The following NHSL1 variants were observed in gnomAD, a reference collection of about 807,000 sequenced individuals.
NHSL1 encodes NHS like 1.
In NHSL1, 48 loss-of-function variants were observed where a neutral mutation model predicts 95.0. That is an observed-to-expected ratio of 0.51 (90% confidence interval 0.40 to 0.64). The LOEUF is 0.64. NHSL1 is among the 30% of genes least tolerant of loss of function. NHSL1 has a pLI of 0.00. For missense variants in NHSL1, 1,971 were observed against 2,077.7 expected (o/e 0.95, Z 1.00); for synonymous variants, 783 against 833.9 (o/e 0.94, Z 1.05).
At chr6:138,449,472 C>T (rs1777089636) in intron 3 of NHSL1, among the ~76,000 whole-genome samples, 1 of 151,972 alleles carries the variant, frequency 6.6e-6, no homozygotes, top group Non-Finnish European at 1.5e-5. Context: ...GTCAGGACAT[C>T]GAGACCATCC....
intron 2 of NHSL1, among the ~76,000 whole-genome samples, chr6:138,480,603 T>C (rs1223111764): frequency 6.6e-6 from 1 of 152,240 alleles, no homozygotes; most frequent in Non-Finnish European, 1.5e-5. Context: ...ATTTCTAGCA[T>C]GGTATTCTAC....
At chr6:138,600,054 G>A (rs1784352148) in intron 1 of NHSL1, among the ~76,000 whole-genome samples, 1 of 151,782 alleles carries the variant, frequency 6.6e-6, no homozygotes, top group African/African-American at 2.4e-5. Context: ...TGAGGCAGAA[G>A]AATTGCTTGA....
At position 138,430,901 on chromosome 6, in the gene NHSL1, A is replaced by T. The variant is rs1370688768; in HGVS notation, c.3444T>A (p.Gly1148=). The T allele has an allele frequency of 3.9e-6, 6 of 1,551,448 alleles. No individual in the cohort carries two copies. Among genetic ancestry groups the T allele is most frequent in the Non-Finnish European group, 4.4e-6 (5 of 1,146,846 alleles). Reference sequence around the variant, plus strand: ...CACGCTCAGCCGCACTGCCATGGTCACCCTGACTCGAGCTCTTGGCAGGCG... The same window carrying T: ...CACGCTCAGCCGCACTGCCATGGTCTCCCTGACTCGAGCTCTTGGCAGGCG... ...LPTPAKSSSQ[G]DHGSAAERGG... The change falls in exon 6 of 8, where the codon GGT becomes GGA. Residue 1148 remains glycine (G), a synonymous_variant. Coordinates refer to ENST00000343505, the MANE Select transcript of NHSL1 (RefSeq NM_001144060.2). The surrounding 1 kb of genome is among the most constrained non-coding windows in gnomAD (Gnocchi z 4.7).
intron 1 of NHSL1, among the ~76,000 whole-genome samples, chr6:138,660,611 A>C (rs1193677757): frequency 6.6e-6 from 1 of 151,644 alleles, no homozygotes; most frequent in Non-Finnish European, 1.5e-5. Context: ...ACTGCACTCC[A>C]ACCTGGGCAA....
At chr6:138,429,903 C>T in intron 6 of NHSL1, 60 bp from the exon 7 acceptor site, 1 of 1,500,808 alleles carries the variant, frequency 6.7e-7, no homozygotes. Flanking sequence ...AGTCCTCAGC[C>T]AAGCTTCTAA....
intron 3 of NHSL1, among the ~76,000 whole-genome samples, chr6:138,461,244 G>C (rs888570826): frequency 7.2e-5 from 11 of 152,096 alleles, no homozygotes; most frequent in African/African-American, 2.7e-4. Context: ...TGGACAGTAA[G>C]CAGATAACTG....
At chr6:138,591,852 T>C (rs1283449891) in intron 1 of NHSL1, among the ~76,000 whole-genome samples, 1 of 152,186 alleles carries the variant, frequency 6.6e-6, no homozygotes, top group African/African-American at 2.4e-5. Flanking sequence ...ATCCATGCTG[T>C]GGACACACAC....
chr6:138,440,511 T>C (rs572486150), intron 5 of NHSL1, among the ~76,000 whole-genome samples: 1 of 152,206 alleles, frequency 6.6e-6, no homozygotes. Flanking sequence ...AACCAATCCA[T>C]GATAGAACAG....
intron 1 of NHSL1, among the ~76,000 whole-genome samples, chr6:138,621,803 A>C (rs1784668081): frequency 6.6e-6 from 1 of 152,252 alleles, no homozygotes; most frequent in African/African-American, 2.4e-5. Flanking sequence ...CAGTCTGTAC[A>C]AAACCCAGAG....
Position 138,692,076 on chromosome 6 carries a change from C to T in NHSL1, c.96+400G>A, listed in dbSNP as rs748163143. The T allele has an allele frequency of 3.1e-5, 14 of 456,324 alleles. No individual in the cohort carries two copies. Among genetic ancestry groups the T allele is most frequent in the Non-Finnish European group, 5.3e-5 (12 of 226,946 alleles). 28.3% of individuals were successfully genotyped at this position (456,324 alleles called of 1,614,324 possible). On this transcript the variant is annotated intron_variant, in intron 1 of 3. Coordinates refer to the NHSL1 transcript ENST00000491526. The surrounding 1 kb of genome is among the most constrained non-coding windows in gnomAD (Gnocchi z 4.0). ...CTCCAAAACTGTAACTACTATATGCCCAAATTTATATTCTCCCCTGGCTTT... is the reference window on the plus strand; with the variant it reads ...CTCCAAAACTGTAACTACTATATGCTCAAATTTATATTCTCCCCTGGCTTT...
At chr6:138,610,596 C>T (rs1175400582) in intron 1 of NHSL1, among the ~76,000 whole-genome samples, 2 of 149,382 alleles carry the variant, frequency 1.3e-5, no homozygotes, top group Non-Finnish European at 3.0e-5. Context: ...AAGCAAACAA[C>T]AGGTGATCAC....
At chr6:138,556,174 T>C (rs779176389) in intron 1 of NHSL1, among the ~76,000 whole-genome samples, 50 of 152,142 alleles carry the variant, frequency 3.3e-4, no homozygotes, top group Admixed American at 3.9e-4. Context: ...TTACTAAAGT[T>C]GATTTCTCTC....
At chr6:138,670,214 C>T (rs1785346393) in intron 1 of NHSL1, among the ~76,000 whole-genome samples, 2 of 152,202 alleles carry the variant, frequency 1.3e-5, no homozygotes, top group Middle Eastern at 3.4e-3. Flanking sequence ...CAACAAGCCC[C>T]CTTCAAACAC....
chr6:138,690,065 C>CA (rs1785642543), intron 1 of NHSL1, among the ~76,000 whole-genome samples: 2 of 152,346 alleles, frequency 1.3e-5, no homozygotes, highest in South Asian at 4.1e-4. Context: ...GGTGAATTAA[C>CA]TGCAATGCTG....
intron 1 of NHSL1, among the ~76,000 whole-genome samples, chr6:138,605,734 T>A (rs1208282538): frequency 6.6e-6 from 1 of 152,210 alleles, no homozygotes; most frequent in Non-Finnish European, 1.5e-5. Flanking sequence ...ACCATATTCA[T>A]CTGATTAAGG....
chr6:138,444,330 T>TA (rs1776721723), intron 4 of NHSL1, among the ~76,000 whole-genome samples: 1 of 152,156 alleles, frequency 6.6e-6, no homozygotes, highest in Non-Finnish European at 1.5e-5. Flanking sequence ...AGCCAGTTTG[T>TA]AAAAATTATT....
chr6:138,641,525 A>T (rs893036504), intron 1 of NHSL1, among the ~76,000 whole-genome samples: 1 of 150,144 alleles, frequency 6.7e-6, no homozygotes, highest in South Asian at 2.2e-4. Context: ...CAGGAGGCTG[A>T]TGCAGGAGAA....
At position 138,630,222 on chromosome 6, in the gene NHSL1, C is replaced by A. The variant is rs560487116; in HGVS notation, c.96+62254G>T. On this transcript the variant is annotated intron_variant, in intron 1 of 3. Transcript: ENST00000491526. ...ACCTTGTCTCCCCGCCCACTCCCAC[C>A]AAAAAAAAAAAATCACACTGTGAAG... 2.8e-3 allele frequency among the ~76,000 whole-genome samples: 384 copies of A among 139,122 alleles called. 3 individuals carry two copies. Among genetic ancestry groups the A allele is most frequent in the African/African-American group, 9.2e-3 (349 of 38,112 alleles). 91.3% of individuals were successfully genotyped at this position (139,122 alleles called of 152,430 possible). A position where few individuals can be genotyped will look rare whatever the true frequency, so the allele number is the denominator to read the frequency against.
intron 1 of NHSL1, among the ~76,000 whole-genome samples, chr6:138,632,747 C>T (rs1023969742): frequency 3.9e-5 from 6 of 152,120 alleles, no homozygotes; most frequent in Non-Finnish European, 8.8e-5. Context: ...AGCATTGGTA[C>T]ATCAAGCCCA....
Sources: allele counts gnomAD v4.1 joint callset (sites outside exome capture counted in the v4.1 genomes callset), GRCh38; gene constraint gnomAD v4.1.1; non-coding constraint Gnocchi (gnomAD v3.1); transcripts MANE v1.5; gene names NCBI Gene and HGNC (gene_info 2026-07-23, HGNC 2026-07-21).